The following RETREG1 variants were observed in gnomAD, a reference collection of about 807,000 sequenced individuals.
RETREG1 encodes family with sequence similarity 134 member B.
RETREG1 carries 44 observed loss-of-function variants against 54.8 expected under a neutral mutation model. That is an observed-to-expected ratio of 0.80 (90% CI 0.63 to 1.03). The LOEUF (loss-of-function observed/expected upper bound fraction) is 1.03. Ranked by LOEUF, RETREG1 falls within the 50% of genes least tolerant of loss-of-function variation. RETREG1 has a pLI of 0.00. For synonymous variants in RETREG1, 217 were observed against 238.5 expected (o/e 0.91, Z 0.83); for missense variants, 554 against 605.1 (o/e 0.92, Z 0.89).
rs374730030 is a variant in RETREG1, at chr5:16,475,005, G to C, written c.1230C>G (p.Ser410Arg). 8 of 1,613,672 alleles carry C rather than the reference G, an allele frequency of 5.0e-6. No individual in the cohort carries two copies. The Admixed American group carries it at 1.0e-4, about 20-fold the overall frequency. Residue 410 changes from serine to arginine, a missense_variant, in exon 9 of 9, where the codon AGC (serine) becomes AGG (arginine). By Grantham distance (110) the Ser-to-Arg change is moderately radical. Transcript: ENST00000306320. ...LNSDQTFHLM[S>R]NLAGDVITAA... ...CTGTGATAACATCCCCAGCCAGGTTGCTCATCAGGTGAAAGGTTTGGTCAC... is the reference window on the plus strand; with the variant it reads ...CTGTGATAACATCCCCAGCCAGGTTCCTCATCAGGTGAAAGGTTTGGTCAC...
chr5:16,513,856 T>C (rs115133428), intron 3 of RETREG1, among the ~76,000 whole-genome samples: 1,842 of 152,374 alleles, frequency 0.012, 22 homozygotes, highest in Middle Eastern at 0.024. Flanking sequence ...CTGCCACCTC[T>C]GTCCACTTCT....
At chr5:16,557,751 G>A (rs545747331) in intron 3 of RETREG1, among the ~76,000 whole-genome samples, 1 of 152,282 alleles carries the variant, frequency 6.6e-6, no homozygotes, top group African/African-American at 2.4e-5. Flanking sequence ...TTCAGCCAAA[G>A]ATTTACCCAA....
intron 3 of RETREG1, among the ~76,000 whole-genome samples, chr5:16,536,730 A>C (rs1419238873): frequency 2.6e-5 from 4 of 152,160 alleles, no homozygotes; most frequent in African/African-American, 9.7e-5. Context: ...ATTTTTTGCC[A>C]AAAGACTGAA....
intron 3 of RETREG1, among the ~76,000 whole-genome samples, chr5:16,527,826 TTG>T (rs1554019770): frequency 2.2e-5 from 3 of 138,718 alleles, no homozygotes; most frequent in Non-Finnish European, 4.6e-5. Flanking sequence ...TTTTTTTTTT[TTG>T]AGATGCAGTC....
chr5:16,477,539 C>A (rs534532417), intron 8 of RETREG1, 123 bp downstream of exon 8: 2 of 943,724 alleles, frequency 2.1e-6, no homozygotes, highest in East Asian at 5.2e-5. Flanking sequence ...TTTTTATAGC[C>A]AAGTAATATT....
At chr5:16,527,159 T>C (rs539794823) in intron 3 of RETREG1, among the ~76,000 whole-genome samples, 1 of 152,248 alleles carries the variant, frequency 6.6e-6, no homozygotes, top group East Asian at 1.9e-4. Context: ...ACCTCAGAAT[T>C]TGCTTCCTGG....
intron 1 of RETREG1, among the ~76,000 whole-genome samples, chr5:16,579,556 T>C (rs1012158459): frequency 2.0e-4 from 30 of 152,220 alleles, no homozygotes; most frequent in Non-Finnish European, 4.0e-4. Context: ...TCCACCATTA[T>C]AGTATCATAC....
intron 3 of RETREG1, among the ~76,000 whole-genome samples, chr5:16,538,315 G>C (rs533076609): frequency 4.6e-5 from 7 of 152,314 alleles, no homozygotes; most frequent in Middle Eastern, 3.4e-3. Context: ...ATTAGTCCTT[G>C]CTCCTGGCTC....
chr5:16,584,303 T>C (rs1245596981), intron 1 of RETREG1, among the ~76,000 whole-genome samples: 1 of 152,130 alleles, frequency 6.6e-6, no homozygotes, highest in African/African-American at 2.4e-5. Context: ...AAAATTAAGA[T>C]TTTACACAGA....
intron 3 of RETREG1, among the ~76,000 whole-genome samples, chr5:16,538,509 G>T (rs922861262): frequency 5.9e-5 from 9 of 152,074 alleles, no homozygotes; most frequent in African/African-American, 2.2e-4. Context: ...CCAAAGCTCT[G>T]CACGATACTT....
chr5:16,495,005 A>G (rs529424206), intron 3 of RETREG1, among the ~76,000 whole-genome samples: 1 of 152,278 alleles, frequency 6.6e-6, no homozygotes, highest in African/African-American at 2.4e-5. Context: ...CTTATTGGGA[A>G]CTGGAGCAAA....
intron 3 of RETREG1, among the ~76,000 whole-genome samples, chr5:16,499,043 A>G (rs1579611153): frequency 6.6e-6 from 1 of 151,404 alleles, no homozygotes; most frequent in East Asian, 1.9e-4. Flanking sequence ...TCTTTGTTTT[A>G]TAAGCTTTTT....
chr5:16,482,272 G>A (rs1433474974), intron 4 of RETREG1, among the ~76,000 whole-genome samples: 2 of 151,772 alleles, frequency 1.3e-5, no homozygotes, highest in African/African-American at 2.4e-5. Flanking sequence ...TTTTACAAAG[G>A]GATTTCATAA....
At chr5:16,604,246 C>T (rs945140301) in intron 1 of RETREG1, among the ~76,000 whole-genome samples, 1 of 152,126 alleles carries the variant, frequency 6.6e-6, no homozygotes, top group Non-Finnish European at 1.5e-5. Flanking sequence ...GGAGCAGAAA[C>T]CTGATCGGAA....
chr5:16,565,457 T>C (rs1741979892), intron 3 of RETREG1, among the ~76,000 whole-genome samples: 1 of 152,144 alleles, frequency 6.6e-6, no homozygotes, highest in South Asian at 2.1e-4. Context: ...ATCCCAAAAA[T>C]GAGTCTGAAA....
At chr5:16,528,632 G>A (rs1270846403) in intron 3 of RETREG1, among the ~76,000 whole-genome samples, 4 of 152,206 alleles carry the variant, frequency 2.6e-5, no homozygotes, top group Admixed American at 6.5e-5. Context: ...CCCAGCAGGT[G>A]GGATATGTGC....
intron 1 of RETREG1, among the ~76,000 whole-genome samples, chr5:16,591,479 T>C (rs1184756767): frequency 6.6e-6 from 1 of 151,992 alleles, no homozygotes; most frequent in Non-Finnish European, 1.5e-5. Flanking sequence ...TTTTTAATGC[T>C]TTTCCCTGTT....
chr5:16,518,674 T>C (rs1740437337), intron 3 of RETREG1, among the ~76,000 whole-genome samples: 1 of 152,362 alleles, frequency 6.6e-6, no homozygotes, highest in Middle Eastern at 3.4e-3. Flanking sequence ...GACACAGGCC[T>C]TCAGGAGCAC....
chr5:16,582,668 A>C (rs1356379455), intron 1 of RETREG1, among the ~76,000 whole-genome samples: 1 of 152,172 alleles, frequency 6.6e-6, no homozygotes, highest in Non-Finnish European at 1.5e-5. Context: ...ATAAGAAAAA[A>C]AAAAAAACGG....
Sources: gnomAD v4.1 joint callset for allele counts (sites outside exome capture counted in the v4.1 genomes callset) on GRCh38, gnomAD v4.1.1 for gene constraint, MANE v1.5 for transcripts, NCBI Gene and HGNC (gene_info 2026-07-23, HGNC 2026-07-21) for gene names.